FAM174A: variants seen among roughly 807,000 people sequenced by gnomAD.
FAM174A encodes membrane protein FAM174A.
A neutral mutation model predicts 14.3 loss-of-function variants in FAM174A; 14 were observed. The ratio of observed to expected loss-of-function variants is 0.98; its 90% CI spans 0.65 to 1.53. The LOEUF is 1.53. Among genes scored for constraint, FAM174A ranks in the 40% most tolerant of loss-of-function variants. The pLI, the probability that FAM174A is intolerant of heterozygous loss-of-function variation, is 0.00. For missense variants in FAM174A, 241 were observed against 249.6 expected, an observed-to-expected ratio of 0.97 and a Z score of 0.23; for synonymous variants, 108 against 111.4, an observed-to-expected ratio of 0.97 and a Z score of 0.19.
At chr5:100,559,008 A>T (rs1366486982) in intron 1 of FAM174A, among the ~76,000 whole-genome samples, 2 of 152,082 alleles carry the variant, frequency 1.3e-5, no homozygotes, top group African/African-American at 4.8e-5. Context: ...TCTGCTCCTT[A>T]GTTGATGCAC....
intron 1 of FAM174A, among the ~76,000 whole-genome samples, chr5:100,538,576 T>C (rs1351126638): frequency 6.6e-6 from 1 of 152,052 alleles, no homozygotes; most frequent in African/African-American, 2.4e-5. Flanking sequence ...GTAGATTGCC[T>C]AAAATGAACA....
At position 100,535,821 on chromosome 5, in the gene FAM174A, A is replaced by AGGGAAGGCCG; in HGVS notation, c.300_309dup (p.Ser104ArgfsTer54). 1 of 1,610,836 alleles carries AGGGAAGGCCG rather than the reference A, an allele frequency of 6.2e-7. No individual in the cohort carries two copies. ...CCGGGCTTGAGACGGACGATCACGG[A>AGGGAAGGCCG]GGGAAGGCCGGGGAAGGCTCGGTGG... On this transcript the variant is annotated frameshift_variant, in exon 1 of 3. Transcript: ENST00000312637. LOFTEE classifies it high-confidence loss of function.
rs1486394013 is a variant in FAM174A, at chr5:100,554,304, TTCTA to T, written c.435-7746_435-7743del. On this transcript the variant is annotated intron_variant, in intron 1 of 2. Transcript: ENST00000312637. ...ATAGTAAACTAACTTCCCTCTATTT[TTCTA>T]TCTTTTTTTTTTTTTTTTTTTTTTT... is the stretch of plus-strand genomic sequence containing the variant. Among the ~76,000 whole-genome samples, 1,447 of 147,622 alleles carry T rather than the reference TTCTA, an allele frequency of 9.8e-3. 23 individuals are homozygous for T. Among genetic ancestry groups the T allele is most frequent in the African/African-American group, 0.035 (1,374 of 39,394 alleles).
chr5:100,565,450 A>G (rs982234904), intron 2 of FAM174A, among the ~76,000 whole-genome samples: 14 of 149,694 alleles, frequency 9.4e-5, no homozygotes, highest in African/African-American at 1.5e-4. Flanking sequence ...TTAATATCCA[A>G]AATTTATAAG....
At chr5:100,572,512 T>G (rs1048442446) in intron 2 of FAM174A, among the ~76,000 whole-genome samples, 1 of 151,622 alleles carries the variant, frequency 6.6e-6, no homozygotes, top group Non-Finnish European at 1.5e-5. Flanking sequence ...TTCGGTTTTT[T>G]GTTCTTGCGA....
At chr5:100,571,955 C>G (rs1329254078) in intron 2 of FAM174A, among the ~76,000 whole-genome samples, 2 of 151,772 alleles carry the variant, frequency 1.3e-5, no homozygotes, top group Admixed American at 1.3e-4. Flanking sequence ...AAATTCAAGT[C>G]TGCCATCAAA....
At chr5:100,550,448 A>G (rs1263762289) in intron 1 of FAM174A, among the ~76,000 whole-genome samples, 2 of 152,158 alleles carry the variant, frequency 1.3e-5, no homozygotes, top group African/African-American at 2.4e-5. Flanking sequence ...TCTTTCTTAT[A>G]CAGAGAAAAT....
chr5:100,558,427 G>A (rs1242809060), intron 1 of FAM174A, among the ~76,000 whole-genome samples: 1 of 152,152 alleles, frequency 6.6e-6, no homozygotes, highest in Non-Finnish European at 1.5e-5. Flanking sequence ...GATTTGGGGT[G>A]GAGAGTTCTG....
chr5:100,568,166 A>C (rs1377127642), intron 2 of FAM174A, among the ~76,000 whole-genome samples: 2 of 151,838 alleles, frequency 1.3e-5, no homozygotes, highest in Non-Finnish European at 2.9e-5. Flanking sequence ...TCTCTTTTTC[A>C]AAGGTTCATA....
chr5:100,536,054 C>T, intron 1 of FAM174A, 90 bp downstream of exon 1: 1 of 1,206,872 alleles, frequency 8.3e-7, no homozygotes, highest in Non-Finnish European at 1.1e-6. Context: ...GACCCTTTCC[C>T]CCTTCCCCAG....
At chr5:100,575,452 C>G (rs1746882445) in intron 2 of FAM174A, among the ~76,000 whole-genome samples, 1 of 152,076 alleles carries the variant, frequency 6.6e-6, no homozygotes, top group South Asian at 2.1e-4. Flanking sequence ...CTTCCTGTGT[C>G]CAAGTGTTCT....
intron 1 of FAM174A, among the ~76,000 whole-genome samples, chr5:100,545,312 A>G (rs138575387): frequency 6.6e-6 from 1 of 152,360 alleles, no homozygotes; most frequent in African/African-American, 2.4e-5. Context: ...CTTAAATCAT[A>G]AATTGAGAAT....
chr5:100,552,433 A>T (rs1232707703), intron 1 of FAM174A, among the ~76,000 whole-genome samples: 1 of 152,042 alleles, frequency 6.6e-6, no homozygotes, highest in Non-Finnish European at 1.5e-5. Flanking sequence ...TGTGCTATAA[A>T]AGAAATTAAG....
chr5:100,539,077 C>CT (rs1162557873), intron 1 of FAM174A, among the ~76,000 whole-genome samples: 1 of 152,046 alleles, frequency 6.6e-6, no homozygotes, highest in Non-Finnish European at 1.5e-5. Context: ...TAACCCTCTA[C>CT]TTTTTTTAAA....
intron 2 of FAM174A, among the ~76,000 whole-genome samples, chr5:100,562,706 T>C (rs1465232033): frequency 6.6e-6 from 1 of 151,746 alleles, no homozygotes; most frequent in Non-Finnish European, 1.5e-5. Flanking sequence ...TGGGTTCTAG[T>C]GTTTGTAAAT....
At chr5:100,580,587 C>T (rs182860208) in intron 2 of FAM174A, among the ~76,000 whole-genome samples, 4 of 152,298 alleles carry the variant, frequency 2.6e-5, no homozygotes, top group East Asian at 1.9e-4. Flanking sequence ...GCCATGCTGG[C>T]GCTGATTAGA....
Position 100,554,604 on chromosome 5 carries a change from C to G in FAM174A, c.435-7450C>G, listed in dbSNP as rs6865473. ...GGATTACAGGTGTGAGTAACCACGC[C>G]TGGACTATTTTTCTATTTCTACTTT... On this transcript the variant is annotated intron_variant, in intron 1 of 2. Transcript: ENST00000312637. Among the ~76,000 whole-genome samples, 1,256 of 152,024 alleles carry G rather than the reference C, an allele frequency of 8.3e-3. 14 individuals are homozygous for G. The highest frequency in any genetic ancestry group is 0.029 in the African/African-American group (1,196 of 41,400).
At chr5:100,541,920 T>G (rs1293402966) in intron 1 of FAM174A, among the ~76,000 whole-genome samples, 1 of 152,196 alleles carries the variant, frequency 6.6e-6, no homozygotes, top group African/African-American at 2.4e-5. Flanking sequence ...CCTCCTTGAG[T>G]ATTTCTTGCC....
chr5:100,576,082 C>G (rs752961361), intron 2 of FAM174A, among the ~76,000 whole-genome samples: 3 of 152,136 alleles, frequency 2.0e-5, no homozygotes, highest in Non-Finnish European at 4.4e-5. Flanking sequence ...GTAGTCAGCT[C>G]TTTCTGAGAG....
Sources: gnomAD v4.1 joint callset for allele counts (sites outside exome capture counted in the v4.1 genomes callset) on GRCh38, gnomAD v4.1.1 for gene constraint, MANE v1.5 for transcripts, NCBI Gene and HGNC (gene_info 2026-07-23, HGNC 2026-07-21) for gene names.